Variants in PTK2 observed in about 807,000 individuals in gnomAD.
PTK2 encodes the protein protein tyrosine kinase 2.
Under a neutral mutation model 150.1 loss-of-function variants are expected in PTK2, and 45 were observed. The ratio of observed to expected loss-of-function variants is 0.30; its 90% CI spans 0.24 to 0.38. PTK2 has a LOEUF of 0.38. Ranked by LOEUF, PTK2 falls within the 10% of genes least tolerant of loss-of-function variation. PTK2 has a pLI of 1.00. For missense variants in PTK2, 919 were observed against 1,307.3 expected (o/e 0.70, Z 4.58); for synonymous variants, 432 against 449.2 (o/e 0.96, Z 0.48).
chr8:140,733,905 C>A (rs1382686412), intron 22 of PTK2, among the ~76,000 whole-genome samples: 1 of 152,144 alleles, frequency 6.6e-6, no homozygotes, highest in East Asian at 1.9e-4. Context: ...ACCAGTGATA[C>A]CTCGGTCTCC....
exon 12 of PTK2, chr8:140,800,546 T>C (rs2100094417): frequency 1.9e-6 from 3 of 1,613,852 alleles, no homozygotes; most frequent in Non-Finnish European, 2.5e-6. Flanking sequence ...TTCTCCGCAA[T>C]GGTTAGGGAT....
At chr8:140,810,633 G>A (rs550832624) in intron 10 of PTK2, among the ~76,000 whole-genome samples, 3 of 152,238 alleles carry the variant, frequency 2.0e-5, no homozygotes, top group Non-Finnish European at 2.9e-5. Flanking sequence ...ACCTGTGTAC[G>A]CAGGCAGGTA....
At chr8:140,822,355 C>CAA (rs1284285993) in intron 8 of PTK2, 1 of 151,196 alleles carries the variant, frequency 6.6e-6, no homozygotes, top group Non-Finnish European at 1.5e-5. Context: ...CTGATTCACA[C>CAA]ACACACACAC....
rs113548919 is a variant in PTK2, at chr8:140,703,205, G to A, written c.2230-498C>T. ...ATGAACCCGGGAGGCGGAGCTTGCA[G>A]TGAGCCGAGATCGGGCCATTGCACT... On this transcript the variant is annotated intron_variant, in intron 24 of 31. Coordinates refer to ENST00000522684, the Ensembl canonical transcript of PTK2. 6.6e-5 allele frequency among the ~76,000 whole-genome samples: 10 copies of A among 152,240 alleles called. 2 individuals carry two copies. Among genetic ancestry groups the A allele is most frequent in the African/African-American group, 2.4e-4 (10 of 41,532 alleles).
intron 29 of PTK2, chr8:140,669,953 G>C: frequency 1.7e-6 from 1 of 599,332 alleles, no homozygotes; most frequent in Non-Finnish European, 3.0e-6. Context: ...ATACTGCATA[G>C]AGAGGTCTGC....
At chr8:140,761,699 C>G (rs2100069525) in intron 15 of PTK2, among the ~76,000 whole-genome samples, 1 of 151,978 alleles carries the variant, frequency 6.6e-6, no homozygotes, top group Non-Finnish European at 1.5e-5. Flanking sequence ...AATATGGAAG[C>G]AACATAAAAT....
At chr8:140,986,397 T>C (rs993155736) in intron 1 of PTK2, among the ~76,000 whole-genome samples, 1 of 152,170 alleles carries the variant, frequency 6.6e-6, no homozygotes, top group East Asian at 1.9e-4. Context: ...AAAGAAAATA[T>C]GGACAGAATA....
At chr8:140,663,865 C>A (rs2084913790) in intron 31 of PTK2, among the ~76,000 whole-genome samples, 1 of 152,102 alleles carries the variant, frequency 6.6e-6, no homozygotes, top group Non-Finnish European at 1.5e-5. Context: ...CTTTGTTGCC[C>A]AGGCTGGTCA....
At chr8:140,881,103 T>C (rs765064670) in intron 3 of PTK2, among the ~76,000 whole-genome samples, 15 of 152,176 alleles carry the variant, frequency 9.9e-5, no homozygotes, top group Non-Finnish European at 1.9e-4. Flanking sequence ...GGAAGGATGT[T>C]TGCAGCCTAC....
chr8:140,748,686 A>G (rs1593595170), intron 17 of PTK2, among the ~76,000 whole-genome samples: 1 of 152,164 alleles, frequency 6.6e-6, no homozygotes, highest in South Asian at 2.1e-4. Context: ...AAGATGACCA[A>G]GAGGGCACTG....
rs112178963 is a variant in PTK2, at chr8:140,723,773, C to CA, written c.2031-6065dup. Among the ~76,000 whole-genome samples the CA allele has an allele frequency of 4.8e-3, 724 of 152,290 alleles. 9 individuals carry two copies. Among genetic ancestry groups the CA allele is most frequent in the African/African-American group, 0.016 (657 of 41,552 alleles). On this transcript the variant is annotated intron_variant, in intron 22 of 31. Transcript: ENST00000522684. Reference sequence around the variant, plus strand: ...AGACTTGTCATTTAACAAACATTAGCACAATGATAATTACACTTTATTGAT... The same window carrying CA: ...AGACTTGTCATTTAACAAACATTAGCAACAATGATAATTACACTTTATTGAT...
chr8:140,659,368 T>C, exon 32 of PTK2: 1 of 1,061,136 alleles, frequency 9.4e-7, no homozygotes, highest in Non-Finnish European at 1.3e-6. Flanking sequence ...GAGCTGTAAG[T>C]GCTGGCGACT....
At chr8:140,698,987 T>A (rs553220074) in intron 26 of PTK2, among the ~76,000 whole-genome samples, 12 of 148,530 alleles carry the variant, frequency 8.1e-5, no homozygotes, top group Non-Finnish European at 1.5e-4. Context: ...TAGGCTGGTC[T>A]CGAACTCCTG....
At chr8:140,957,063 AAAACAAAC>A (rs1334024940) in intron 1 of PTK2, among the ~76,000 whole-genome samples, 1 of 152,142 alleles carries the variant, frequency 6.6e-6, no homozygotes, top group South Asian at 2.1e-4. Flanking sequence ...CTCCATCACA[AAAACAAAC>A]AAACAAACAA....
intron 1 of PTK2, among the ~76,000 whole-genome samples, chr8:140,946,024 A>G (rs188322432): frequency 2.2e-4 from 33 of 152,254 alleles, no homozygotes; most frequent in African/African-American, 7.5e-4. Context: ...CCCTGGTACC[A>G]TTTACAGCAG....
At chr8:140,909,200 GA>G (rs2154607937) in intron 2 of PTK2, 2 of 154,312 alleles carry the variant, frequency 1.3e-5, no homozygotes, top group East Asian at 3.9e-4. Flanking sequence ...AAGGGAAGGG[GA>G]GGGGTGAAAC....
At chr8:140,962,285 GAGGA>G (rs1258336625) in intron 1 of PTK2, among the ~76,000 whole-genome samples, 16 of 138,380 alleles carry the variant, frequency 1.2e-4, no homozygotes, top group Middle Eastern at 3.7e-3. Context: ...GGAAGGGAGG[GAGGA>G]AGGGAGGGAG....
chr8:140,719,778 T>C (rs1333653383), intron 22 of PTK2, among the ~76,000 whole-genome samples: 5 of 150,586 alleles, frequency 3.3e-5, no homozygotes, highest in African/African-American at 1.2e-4. Context: ...AATCCCAGCA[T>C]TCTGGGATGC....
chr8:140,689,663 T>C (rs562445351), intron 26 of PTK2, among the ~76,000 whole-genome samples: 3 of 152,354 alleles, frequency 2.0e-5, no homozygotes, highest in East Asian at 3.9e-4. Flanking sequence ...ATATCTGGTA[T>C]TTACTTCCAA....
Sources: allele counts gnomAD v4.1 joint callset (sites outside exome capture counted in the v4.1 genomes callset), GRCh38; gene constraint gnomAD v4.1.1; transcripts MANE v1.5; gene names NCBI Gene and HGNC (gene_info 2026-07-23, HGNC 2026-07-21).